CNTN5: variants seen among roughly 807,000 people sequenced by gnomAD.
CNTN5 encodes the protein contactin 5, also known as contactin-5.
CNTN5 carries 77 observed loss-of-function variants against 129.1 expected under a neutral mutation model. The ratio of observed to expected loss-of-function variants is 0.60; its 90% CI spans 0.50 to 0.72. The LOEUF (loss-of-function observed/expected upper bound fraction) is 0.72, where lower values mean the gene tolerates loss of function less well. Among genes scored for constraint, CNTN5 ranks in the 30% least tolerant of loss-of-function variants. CNTN5 has a pLI of 0.00. For missense variants in CNTN5, 1,478 were observed against 1,328.8 expected (o/e 1.11, Z -1.75); for synonymous variants, 509 against 465.6 (o/e 1.09, Z -1.20).
intron 3 of CNTN5, among the ~76,000 whole-genome samples, chr11:99,816,983 A>C (rs1397557324): frequency 6.6e-6 from 1 of 152,204 alleles, no homozygotes; most frequent in Non-Finnish European, 1.5e-5. Context: ...TTTAGATAGA[A>C]TATCCACTGG....
At chr11:100,301,214 A>G (rs934814172) in intron 20 of CNTN5, among the ~76,000 whole-genome samples, 3 of 151,662 alleles carry the variant, frequency 2.0e-5, no homozygotes, top group African/African-American at 4.8e-5. Flanking sequence ...ATTACATAGC[A>G]CCAAAGGTCG....
chr11:99,996,447 A>G (rs775358080), intron 8 of CNTN5, among the ~76,000 whole-genome samples: 15 of 152,104 alleles, frequency 9.9e-5, no homozygotes, highest in Non-Finnish European at 2.1e-4. Flanking sequence ...CATTCCATCC[A>G]TATATTTCCA....
intron 3 of CNTN5, among the ~76,000 whole-genome samples, chr11:99,562,856 G>T (rs571577381): frequency 6.6e-6 from 1 of 152,254 alleles, no homozygotes; most frequent in South Asian, 2.1e-4. Context: ...CAATGTACAT[G>T]TTGAGCTTTA....
intron 3 of CNTN5, among the ~76,000 whole-genome samples, chr11:99,643,613 T>C (rs1243739530): frequency 6.6e-6 from 1 of 152,118 alleles, no homozygotes; most frequent in East Asian, 1.9e-4. Context: ...GACATATTAA[T>C]GTTGTTAATA....
At chr11:99,252,047 A>T (rs908727627) in intron 1 of CNTN5, among the ~76,000 whole-genome samples, 2 of 152,026 alleles carry the variant, frequency 1.3e-5, no homozygotes, top group Admixed American at 1.3e-4. Flanking sequence ...TTATTCAAAT[A>T]GTCTTCCTTG....
chr11:99,612,563 A>G (rs938337776), intron 3 of CNTN5, among the ~76,000 whole-genome samples: 4 of 152,148 alleles, frequency 2.6e-5, no homozygotes, highest in African/African-American at 9.7e-5. Flanking sequence ...GTCTTTTTAA[A>G]AACTTTTGAT....
At chr11:100,199,726 A>G (rs1045667550) in intron 15 of CNTN5, among the ~76,000 whole-genome samples, 9 of 151,908 alleles carry the variant, frequency 5.9e-5, no homozygotes, top group African/African-American at 2.2e-4. Flanking sequence ...GGTATTATAT[A>G]TGTTTGTTTC....
intron 1 of CNTN5, among the ~76,000 whole-genome samples, chr11:99,028,345 A>G (rs1175798656): frequency 2.6e-5 from 4 of 151,884 alleles, no homozygotes; most frequent in Non-Finnish European, 4.4e-5. Context: ...GGAAGAATAT[A>G]AAAGAGAATA....
At chr11:99,552,207 G>GTTTTTTTTTTTTTTTTTT (rs758718492) in intron 2 of CNTN5, among the ~76,000 whole-genome samples, 1 of 146,704 alleles carries the variant, frequency 6.8e-6, no homozygotes, top group Admixed American at 6.8e-5. Context: ...CACCTGGTCA[G>GTTTTTTTTTTTTTTTTTT]TTTTTGTGTT....
intron 7 of CNTN5, among the ~76,000 whole-genome samples, chr11:99,954,970 T>C (rs1471028940): frequency 6.6e-6 from 1 of 152,112 alleles, no homozygotes; most frequent in Non-Finnish European, 1.5e-5. Context: ...ATTCTAAAAA[T>C]ACAAAACATT....
chr11:99,724,173 C>A (rs769566478), intron 3 of CNTN5, among the ~76,000 whole-genome samples: 1 of 152,250 alleles, frequency 6.6e-6, no homozygotes, highest in South Asian at 2.1e-4. Flanking sequence ...GAGCATGTTC[C>A]GTCTTATGCC....
At chr11:99,643,912 A>G (rs950795520) in intron 3 of CNTN5, among the ~76,000 whole-genome samples, 1 of 152,188 alleles carries the variant, frequency 6.6e-6, no homozygotes, top group Non-Finnish European at 1.5e-5. Flanking sequence ...TGGCTTTAAC[A>G]AATTTCAGTA....
chr11:99,214,696 A>T (rs189938358), intron 1 of CNTN5, among the ~76,000 whole-genome samples: 6 of 152,128 alleles, frequency 3.9e-5, no homozygotes, highest in Admixed American at 3.3e-4. Flanking sequence ...TTTCCTATCC[A>T]CACTGTAGAA....
intron 9 of CNTN5, among the ~76,000 whole-genome samples, chr11:100,023,061 C>T (rs1367954550): frequency 2.6e-5 from 4 of 151,982 alleles, no homozygotes; most frequent in African/African-American, 9.7e-5. Context: ...AAATTTTTGA[C>T]CATTGTTTTT....
chr11:100,049,489 T>G (rs1297816161), intron 9 of CNTN5, among the ~76,000 whole-genome samples: 2 of 152,096 alleles, frequency 1.3e-5, no homozygotes, highest in Non-Finnish European at 2.9e-5. Context: ...AAAATGTATA[T>G]TATAATGCTA....
intron 3 of CNTN5, among the ~76,000 whole-genome samples, chr11:99,761,764 C>A (rs1228374): frequency 0.43 from 56,051 of 129,462 alleles, 12,040 homozygotes; most frequent in Non-Finnish European, 0.51. Context: ...ATTTATAGTC[C>A]TTTGGGTATA....
chr11:100,271,639 C>A (rs887926650), intron 18 of CNTN5, among the ~76,000 whole-genome samples: 1 of 152,108 alleles, frequency 6.6e-6, no homozygotes, highest in Non-Finnish European at 1.5e-5. Context: ...TTCCTTAGAA[C>A]TCTTTTATGT....
chr11:99,588,896 T>G (rs896666167), intron 3 of CNTN5, among the ~76,000 whole-genome samples: 1 of 152,206 alleles, frequency 6.6e-6, no homozygotes, highest in African/African-American at 2.4e-5. Flanking sequence ...AATGAGTAAT[T>G]GTCACAGTTG....
chr11:99,301,978 C>T lies in CNTN5; in HGVS notation c.-209-23368C>T, dbSNP rs138984654. Among the ~76,000 whole-genome samples, 409 of 150,992 alleles carry T rather than the reference C, an allele frequency of 2.7e-3. 11 individuals are homozygous for T. Among genetic ancestry groups the T allele is most frequent in the Admixed American group, 0.025 (381 of 15,162 alleles). On this transcript the variant is annotated intron_variant, in intron 1 of 24. Transcript: ENST00000524871. ...TAAAAAACACACTACTAAAAAAACC[C>T]GTGGGCCAAAGACAAAAAGCTTCAG...
Sources: gnomAD v4.1 joint callset for allele counts (sites outside exome capture counted in the v4.1 genomes callset) on GRCh38, gnomAD v4.1.1 for gene constraint, MANE v1.5 for transcripts, NCBI Gene and HGNC (gene_info 2026-07-23, HGNC 2026-07-21) for gene names.